PCDH9: variants seen among roughly 807,000 people sequenced by gnomAD.
PCDH9 encodes the protein protocadherin 9, also known as protocadherin-9.
A neutral mutation model predicts 70.6 loss-of-function variants in PCDH9; 24 were observed. That is an observed-to-expected ratio of 0.34 (90% CI 0.25 to 0.48). The LOEUF is 0.48. Ranked by LOEUF, PCDH9 falls within the 20% of genes least tolerant of loss-of-function variation. The probability of loss-of-function intolerance (pLI) is 0.99; values close to 1 mark genes in which losing one functional copy is unlikely to be tolerated. For synonymous variants in PCDH9, 562 were observed against 558.5 expected (o/e 1.01, Z -0.09); for missense variants, 1,281 against 1,503.6 (o/e 0.85, Z 2.45).
chr13:66,869,704 A>C (rs2081639063), intron 3 of PCDH9, among the ~76,000 whole-genome samples: 1 of 152,150 alleles, frequency 6.6e-6, no homozygotes, highest in Admixed American at 6.6e-5. Flanking sequence ...TTGCTGGTGA[A>C]GTATGTGCTC....
At chr13:67,125,374 G>A (rs1566440335) in intron 2 of PCDH9, among the ~76,000 whole-genome samples, 1 of 152,298 alleles carries the variant, frequency 6.6e-6, no homozygotes, top group East Asian at 1.9e-4. Flanking sequence ...TCCACTCTGT[G>A]TATGGGGGTG....
intron 3 of PCDH9, among the ~76,000 whole-genome samples, chr13:66,750,480 C>A (rs892587186): frequency 6.6e-6 from 1 of 151,978 alleles, no homozygotes; most frequent in African/African-American, 2.4e-5. Context: ...TGAAGTGAAA[C>A]TTCTGCTTGT....
At chr13:66,846,965 A>C (rs2081222994) in intron 3 of PCDH9, among the ~76,000 whole-genome samples, 1 of 152,074 alleles carries the variant, frequency 6.6e-6, no homozygotes, top group Non-Finnish European at 1.5e-5. Context: ...AAGATAACTT[A>C]TTAAAAGCTG....
At chr13:67,088,584 T>C (rs1325267998) in intron 2 of PCDH9, among the ~76,000 whole-genome samples, 1 of 152,012 alleles carries the variant, frequency 6.6e-6, no homozygotes, top group African/African-American at 2.4e-5. Flanking sequence ...CAACTTGTTT[T>C]CCCCTAAAGA....
intron 2 of PCDH9, among the ~76,000 whole-genome samples, chr13:67,003,798 G>A (rs1056892186): frequency 6.6e-6 from 1 of 152,104 alleles, no homozygotes; most frequent in South Asian, 2.1e-4. Context: ...TTACAGGAAC[G>A]CTTTTAATGA....
intron 2 of PCDH9, among the ~76,000 whole-genome samples, chr13:67,154,617 C>A (rs1248953184): frequency 1.8e-5 from 2 of 110,494 alleles, no homozygotes; most frequent in Non-Finnish European, 4.2e-5. Context: ...CACACACACA[C>A]ACACACACAC....
intron 3 of PCDH9, among the ~76,000 whole-genome samples, chr13:66,801,039 AAT>A (rs1478981002): frequency 6.7e-6 from 1 of 148,662 alleles, no homozygotes; most frequent in Admixed American, 6.8e-5. Flanking sequence ...CGCCACAGCA[AAT>A]ATATTGTTCT....
intron 3 of PCDH9, among the ~76,000 whole-genome samples, chr13:66,859,456 T>G (rs2081446425): frequency 6.6e-6 from 1 of 152,176 alleles, no homozygotes; most frequent in Admixed American, 6.6e-5. Flanking sequence ...GTTGATTAAT[T>G]GTATTTATGC....
At chr13:67,220,925 G>A (rs555755741) in intron 2 of PCDH9, 1 of 152,050 alleles carries the variant, frequency 6.6e-6, no homozygotes, top group East Asian at 1.9e-4. Flanking sequence ...AACCCAAATG[G>A]AAAGATAGCC....
intron 4 of PCDH9, among the ~76,000 whole-genome samples, chr13:66,576,616 C>T (rs905440490): frequency 2.6e-5 from 4 of 152,126 alleles, no homozygotes; most frequent in East Asian, 1.9e-4. Flanking sequence ...ATCATAATTA[C>T]GTATTGACAA....
intron 3 of PCDH9, among the ~76,000 whole-genome samples, chr13:66,856,097 T>C (rs2081390532): frequency 6.6e-6 from 1 of 152,012 alleles, no homozygotes; most frequent in Admixed American, 6.6e-5. Flanking sequence ...TTTTCTTTAT[T>C]CCTTTTACTT....
intron 3 of PCDH9, among the ~76,000 whole-genome samples, chr13:66,817,325 G>A (rs141800566): frequency 3.3e-5 from 5 of 151,990 alleles, no homozygotes; most frequent in African/African-American, 1.2e-4. Context: ...TACTGTAAAG[G>A]ATACTATTTT....
intron 2 of PCDH9, among the ~76,000 whole-genome samples, chr13:66,936,004 G>A (rs997125590): frequency 3.3e-5 from 5 of 152,172 alleles, no homozygotes; most frequent in Non-Finnish European, 7.4e-5. Context: ...AGGATCGTTG[G>A]AATCCAGGGG....
At chr13:66,489,848 A>C (rs1263188522) in intron 4 of PCDH9, among the ~76,000 whole-genome samples, 2 of 152,228 alleles carry the variant, frequency 1.3e-5, no homozygotes, top group African/African-American at 2.4e-5. Context: ...AGCTAGTAAC[A>C]GTCTTAAAAT....
At chr13:66,784,286 G>A (rs1240938441) in intron 3 of PCDH9, among the ~76,000 whole-genome samples, 1 of 152,084 alleles carries the variant, frequency 6.6e-6, no homozygotes, top group East Asian at 1.9e-4. Context: ...AATATTTTAT[G>A]AGACATCTGA....
In PCDH9 at chr13:66,853,744, CT is replaced by C. The variant is rs775967337; in HGVS notation, c.3138+49759del. Among the ~76,000 whole-genome samples the C allele has an allele frequency of 1.5e-4, 21 of 143,420 alleles. 1 individual carries two copies. The highest frequency in any genetic ancestry group is 9.0e-4 in the South Asian group (4 of 4,422). 94.1% of individuals were successfully genotyped at this position (143,420 alleles called of 152,430 possible). ...TAATGACTGATTCATAAATCATTTC[CT>C]TTTTTTTTTTCAGGAGACAGGGTCT... On this transcript the variant is annotated intron_variant, in intron 3 of 4. Coordinates refer to ENST00000377865, the MANE Select transcript of PCDH9 (RefSeq NM_203487.3).
At chr13:66,430,081 T>C (rs1957744309) in intron 4 of PCDH9, among the ~76,000 whole-genome samples, 2 of 152,076 alleles carry the variant, frequency 1.3e-5, no homozygotes, top group Admixed American at 6.6e-5. Flanking sequence ...AAGTTTCTTC[T>C]CTGTTTTTAG....
chr13:66,713,406 T>C (rs1051007193), intron 3 of PCDH9, among the ~76,000 whole-genome samples: 1 of 151,580 alleles, frequency 6.6e-6, no homozygotes, highest in Non-Finnish European at 1.5e-5. Flanking sequence ...ATCCTAGCTA[T>C]CCCTCTTGGA....
intron 3 of PCDH9, among the ~76,000 whole-genome samples, chr13:66,884,958 T>C (rs954912648): frequency 1.3e-5 from 2 of 152,220 alleles, no homozygotes; most frequent in Non-Finnish European, 2.9e-5. Context: ...ATATTATTTC[T>C]GGTTTACAAA....
Sources: gnomAD v4.1 joint callset for allele counts (sites outside exome capture counted in the v4.1 genomes callset) on GRCh38, gnomAD v4.1.1 for gene constraint, MANE v1.5 for transcripts, NCBI Gene and HGNC (gene_info 2026-07-23, HGNC 2026-07-21) for gene names.